Variants in KCNIP4 observed in about 807,000 individuals in gnomAD.
KCNIP4 encodes the protein Kv channel-interacting protein 4.
KCNIP4 carries 12 observed loss-of-function variants against 34.0 expected under a neutral mutation model. The ratio of observed to expected loss-of-function variants is 0.35; its 90% CI spans 0.23 to 0.57. KCNIP4 has a LOEUF of 0.57. KCNIP4 is among the 20% of genes least tolerant of loss of function. The pLI is 0.83. For synonymous variants in KCNIP4, 124 were observed against 102.2 expected (o/e 1.21, Z -1.29); for missense variants, 238 against 311.7 (o/e 0.76, Z 1.78).
chr4:21,570,236 C>T lies in KCNIP4; in HGVS notation c.61+378335G>A, dbSNP rs1003944093. 3.3e-5 allele frequency among the ~76,000 whole-genome samples: 5 copies of T among 152,050 alleles called. No individual in the cohort carries two copies. The East Asian group carries it at 5.8e-4, about 18-fold the overall frequency. On this transcript the variant is annotated intron_variant, in intron 1 of 8. Coordinates refer to ENST00000382152, the MANE Select transcript of KCNIP4 (RefSeq NM_025221.6). ...TCAGAAAAGAGTAGGTGGTGGATAG[C>T]GGTAGGACTTGGAACTAATAGCCAA... is the stretch of plus-strand genomic sequence containing the variant.
chr4:21,736,180 A>T (rs2109120086), intron 1 of KCNIP4, among the ~76,000 whole-genome samples: 1 of 152,280 alleles, frequency 6.6e-6, no homozygotes, highest in South Asian at 2.1e-4. Context: ...AAATAAACTT[A>T]GATTGGTCAT....
At chr4:21,077,729 T>C (rs1343517322) in intron 1 of KCNIP4, among the ~76,000 whole-genome samples, 1 of 152,144 alleles carries the variant, frequency 6.6e-6, no homozygotes, top group Non-Finnish European at 1.5e-5. Context: ...TCAAAAAACA[T>C]ATAAAAGCAT....
intron 1 of KCNIP4, among the ~76,000 whole-genome samples, chr4:21,936,269 T>G (rs141385069): frequency 3.3e-5 from 5 of 152,176 alleles, no homozygotes; most frequent in African/African-American, 1.2e-4. Flanking sequence ...GTTCTCTTGA[T>G]GGTGAATAAG....
At chr4:20,905,522 T>TTTTTTTTTTTTTTTTTTTTTTTTTTTG (rs768668990) in intron 1 of KCNIP4, among the ~76,000 whole-genome samples, 18 of 111,250 alleles carry the variant, frequency 1.6e-4, no homozygotes, top group South Asian at 5.7e-4. Flanking sequence ...TTTTTTTTTT[T>TTTTTTTTTTTTTTTTTTTTTTTTTTTG]TTTGTTTGAG....
chr4:21,097,823 C>A (rs758225806), intron 1 of KCNIP4, among the ~76,000 whole-genome samples: 1 of 152,034 alleles, frequency 6.6e-6, no homozygotes, highest in Non-Finnish European at 1.5e-5. Flanking sequence ...AAGAACCACC[C>A]GTCTTTTAGT....
intron 1 of KCNIP4, among the ~76,000 whole-genome samples, chr4:21,872,365 G>T (rs1725870287): frequency 6.6e-6 from 1 of 152,104 alleles, no homozygotes. Context: ...ATTCTATCAG[G>T]TTTCTGCCTT....
At chr4:20,992,910 C>A (rs762276878) in intron 1 of KCNIP4, among the ~76,000 whole-genome samples, 3 of 151,588 alleles carry the variant, frequency 2.0e-5, no homozygotes, top group Non-Finnish European at 4.4e-5. Context: ...CACCTGTAAT[C>A]CCAGCTACTC....
chr4:21,268,382 C>T (rs1761946572), intron 1 of KCNIP4, among the ~76,000 whole-genome samples: 1 of 152,216 alleles, frequency 6.6e-6, no homozygotes, highest in Admixed American at 6.5e-5. Context: ...ATATCAAACA[C>T]AGTGCTCTCA....
At chr4:21,093,453 T>G (rs1405332245) in intron 1 of KCNIP4, among the ~76,000 whole-genome samples, 1 of 152,162 alleles carries the variant, frequency 6.6e-6, no homozygotes, top group Non-Finnish European at 1.5e-5. Flanking sequence ...TTTAACACTG[T>G]GCCCCAGGAT....
intron 1 of KCNIP4, among the ~76,000 whole-genome samples, chr4:21,071,963 G>C (rs1744980250): frequency 6.7e-6 from 1 of 149,828 alleles, no homozygotes; most frequent in African/African-American, 2.4e-5. Context: ...CCCTACAAAG[G>C]ACATGAACTC....
rs566757142 is a variant in KCNIP4 at position 20,807,901 on chromosome 4, T to A, written c.288+42642A>T. Among the ~76,000 whole-genome samples, 6 of 152,252 alleles carry A rather than the reference T, an allele frequency of 3.9e-5. No individual in the cohort carries two copies. The East Asian group carries it at 9.7e-4, about 25-fold the overall frequency. ...ATAACGATGTCTTCACTGGCGCACC[T>A]ACAGTACATCTAACAAGTTTCACAG... On this transcript the variant is annotated intron_variant, in intron 3 of 8. Coordinates refer to ENST00000382152, the MANE Select transcript of KCNIP4 (RefSeq NM_025221.6).
intron 1 of KCNIP4, among the ~76,000 whole-genome samples, chr4:21,118,388 A>G (rs1749866161): frequency 6.6e-6 from 1 of 152,090 alleles, no homozygotes; most frequent in Non-Finnish European, 1.5e-5. Flanking sequence ...AAAATTAATT[A>G]TGCTCCCCAA....
intron 4 of KCNIP4, among the ~76,000 whole-genome samples, chr4:20,757,340 A>G (rs1754566986): frequency 6.6e-6 from 1 of 152,198 alleles, no homozygotes; most frequent in Non-Finnish European, 1.5e-5. Context: ...CCCTGCCTGC[A>G]GTATTGCTGA....
Position 21,926,644 on chromosome 4 carries a change from T to C in KCNIP4, c.61+21927A>G, listed in dbSNP as rs188147299. Among the ~76,000 whole-genome samples, 299 of 152,252 alleles carry C rather than the reference T, an allele frequency of 2.0e-3. 2 individuals carry two copies. The highest frequency in any genetic ancestry group is 6.7e-3 in the African/African-American group (277 of 41,552). ...CAGGAAGAACAAATCAAGCAATCTG[T>C]CTTCCTATAAGTCGAGCTTCAAGGC... On this transcript the variant is annotated intron_variant, in intron 1 of 8. Coordinates refer to ENST00000382152, the MANE Select transcript of KCNIP4 (RefSeq NM_025221.6).
At chr4:21,314,689 T>C (rs1713546493) in intron 1 of KCNIP4, among the ~76,000 whole-genome samples, 1 of 152,208 alleles carries the variant, frequency 6.6e-6, no homozygotes, top group Non-Finnish European at 1.5e-5. Flanking sequence ...AAGCTCTCTA[T>C]TAACAAGTCA....
intron 1 of KCNIP4, among the ~76,000 whole-genome samples, chr4:21,687,278 C>T (rs1490853082): frequency 2.0e-5 from 3 of 148,734 alleles, no homozygotes; most frequent in African/African-American, 7.4e-5. Flanking sequence ...ATGTAACTAA[C>T]CTGCACAATG....
chr4:21,305,751 T>G (rs1168469263), intron 1 of KCNIP4, among the ~76,000 whole-genome samples: 1 of 152,222 alleles, frequency 6.6e-6, no homozygotes, highest in Non-Finnish European at 1.5e-5. Context: ...GCTTTTCCAT[T>G]TCTAGGACTT....
At position 20,732,080 on chromosome 4, in the gene KCNIP4, GA is replaced by G; in HGVS notation, c.643-13del. 6.4e-7 allele frequency: 1 copy of G among 1,554,974 alleles called. No individual in the cohort carries two copies. The highest frequency in any genetic ancestry group is 8.7e-7 in the Non-Finnish European group (1 of 1,147,668). On this transcript the variant is annotated splice_polypyrimidine_tract_variant and intron_variant, in intron 7 of 8. Coordinates refer to ENST00000382152, the MANE Select transcript of KCNIP4 (RefSeq NM_025221.6). ...TTTTTGTCCATTTTCTGTTCAGGAAGAAAACAAAAATTGTATTTAGACTTAT... is the reference window on the plus strand; with the variant it reads ...TTTTTGTCCATTTTCTGTTCAGGAAGAAACAAAAATTGTATTTAGACTTAT...
At chr4:21,010,922 A>T (rs1739007045) in intron 1 of KCNIP4, among the ~76,000 whole-genome samples, 1 of 152,210 alleles carries the variant, frequency 6.6e-6, no homozygotes, top group African/African-American at 2.4e-5. Flanking sequence ...TCATGAAACC[A>T]AGCAGTTTCA....
Sources: allele counts gnomAD v4.1 joint callset (sites outside exome capture counted in the v4.1 genomes callset), GRCh38; gene constraint gnomAD v4.1.1; transcripts MANE v1.5; gene names NCBI Gene and HGNC (gene_info 2026-07-23, HGNC 2026-07-21).